The following PIGO variants were observed in gnomAD, a reference collection of about 807,000 sequenced individuals.
PIGO encodes phosphatidylinositol glycan anchor biosynthesis class O.
Under a neutral mutation model 86.9 loss-of-function variants are expected in PIGO, and 66 were observed. That is an observed-to-expected ratio of 0.76 (90% confidence interval 0.62 to 0.93). The LOEUF (loss-of-function observed/expected upper bound fraction) is 0.93. PIGO is among the 40% of genes least tolerant of loss of function. PIGO has a pLI of 0.00. For missense variants in PIGO, 1,202 were observed against 1,359.1 expected (o/e 0.88, Z 1.82); for synonymous variants, 570 against 556.4 (o/e 1.02, Z -0.34).
chr9:35,090,422 A>G, intron 8 of PIGO, 44 bp downstream of exon 8: 2 of 1,576,726 alleles, frequency 1.3e-6, no homozygotes, highest in South Asian at 1.1e-5. Context: ...TCTTTCCACA[A>G]AGCCAGAGTA....
Position 35,092,439 on chromosome 9 carries a change from A to G in PIGO, c.1448T>C (p.Leu483Pro), listed in dbSNP as rs1306481994. Residue 483 changes from leucine to proline, a missense_variant, in exon 7 of 11, where the codon CTC becomes CCC. Physicochemically the swap from Leu to Pro is moderately conservative, Grantham distance 98. Coordinates refer to ENST00000378617, the MANE Select transcript of PIGO (RefSeq NM_032634.4). Reference sequence around the variant, plus strand: ...CAGGCCCCAGGCCACAGGTGTCAGGAGTAGAGGGCAGAATGGAAAGCCTGG... The same window carrying G: ...CAGGCCCCAGGCCACAGGTGTCAGGGGTAGAGGGCAGAATGGAAAGCCTGG... ...ISPGFPFCPL[L>P]LTPVAWGLVG... 3.1e-6 allele frequency: 5 copies of G among 1,614,126 alleles called. No individual in the cohort carries two copies. The African/African-American group carries it at 6.7e-5, about 22-fold the overall frequency.
At position 35,092,663 on chromosome 9, in the gene PIGO, C is replaced by A; in HGVS notation, c.1224G>T (p.Gln408His). ...CCCCCTTGGGGCTCTGGAGAAGCCACTGGTAGTCAGCAGAGGCCTTGGAGA... is the reference window on the plus strand; with the variant it reads ...CCCCCTTGGGGCTCTGGAGAAGCCAATGGTAGTCAGCAGAGGCCTTGGAGA... ...NLFSKASADY[Q>H]WLLQSPKGAE... is the part of the protein sequence containing the mutation. The change falls in exon 7 of 11, where the codon CAG becomes CAT. Residue 408 changes from glutamine (Q) to histidine (H), a missense_variant. Physicochemically the swap from Gln to His is conservative, Grantham distance 24. Transcript: ENST00000378617. 1 of 1,614,232 alleles carries A rather than the reference C, an allele frequency of 6.2e-7. No individual in the cohort carries two copies. Among genetic ancestry groups the A allele is most frequent in the Non-Finnish European group, 8.5e-7 (1 of 1,180,052 alleles).
rs1317472404 is a variant in PIGO at position 35,092,050 on chromosome 9, G to T, written c.1837C>A (p.Pro613Thr). 6.2e-7 allele frequency: 1 copy of T among 1,614,226 alleles called. No individual in the cohort carries two copies. Among genetic ancestry groups the T allele is most frequent in the South Asian group, 1.1e-5 (1 of 91,090 alleles). ...GCATATGCACCATTGTGCCGTGGGGGGTTTGTTGTGGCTGAAGTGCCAAGG... is the reference window on the plus strand; with the variant it reads ...GCATATGCACCATTGTGCCGTGGGGTGTTTGTTGTGGCTGAAGTGCCAAGG... ...PRLGTSATTN[P>T]PRHNGAYALR... The change falls in exon 7 of 11, where the codon CCC becomes ACC. Residue 613 changes from proline (P) to threonine (T), a missense_variant. By Grantham distance (38) the Pro-to-Thr change is conservative (BLOSUM62 -1). Coordinates refer to ENST00000378617, the MANE Select transcript of PIGO (RefSeq NM_032634.4).
At chr9:35,089,778 T>C in intron 9 of PIGO, 1 of 1,389,016 alleles carries the variant, frequency 7.2e-7, no homozygotes, top group Non-Finnish European at 9.3e-7. Context: ...GGGAAGAAAA[T>C]CCTGGCTATC....
At chr9:35,089,511 G>T (rs1252189054) in intron 9 of PIGO, 61 bp from the exon 10 acceptor site, 1 of 1,610,048 alleles carries the variant, frequency 6.2e-7, no homozygotes, top group Non-Finnish European at 8.5e-7. Flanking sequence ...GGAGCAAAAG[G>T]AGAGTTTCTA....
rs774708745 is a variant in PIGO at position 35,091,559 on chromosome 9, G to C, written c.2328C>G (p.Thr776=). The stretch of plus-strand genomic sequence containing the variant: ...CTGAGAAGGGAGTGAGGACAGTCCT[G>C]GTCCTTGGAGCGCCTGCCCCAGCCT... ...LVKAGAGAPR[T]RTVLTPFSGP... The change falls in exon 7 of 11, where the codon ACC becomes ACG. Residue 776 remains threonine, a synonymous_variant. Transcript: ENST00000378617. 5 of 1,614,116 alleles carry C rather than the reference G, an allele frequency of 3.1e-6. No homozygotes were observed. The highest frequency in any genetic ancestry group is 1.7e-6 in the Non-Finnish European group (2 of 1,180,034).
rs1467571553 is a variant in PIGO, at chr9:35,093,932, T to G, written c.748A>C (p.Lys250Gln). 1 of 1,614,192 alleles carries G rather than the reference T, an allele frequency of 6.2e-7. No individual in the cohort carries two copies. The highest frequency in any genetic ancestry group is 2.2e-5 in the East Asian group (1 of 44,882). ...ACCTGGTCCATCTGGCTAAGTTTCT[T>G]GGCCATTTCAGGGTGGTGAGGGCCA... ...KHGPHHPEMA[K>Q]KLSQMDQVIQ... The change falls in exon 4 of 11, where the codon AAG becomes CAG. Residue 250 changes from lysine (K) to glutamine (Q), a missense_variant. Coordinates refer to ENST00000378617, the MANE Select transcript of PIGO (RefSeq NM_032634.4).
chr9:35,090,704 C>T (rs41302069), intron 7 of PIGO, 32 bp from the exon 8 acceptor site: 191 of 1,599,618 alleles, frequency 1.2e-4, no homozygotes, highest in Non-Finnish European at 1.6e-4. Context: ...GTTACAGTCA[C>T]TTCTTATTCC....
Position 35,093,283 on chromosome 9 carries a change from G to A in PIGO, c.940-74C>T, listed in dbSNP as rs577503507. The A allele has an allele frequency of 7.6e-6, 12 of 1,572,534 alleles. No individual in the cohort carries two copies. In the South Asian group the frequency reaches 1.1e-4, roughly 14 times the overall value. On this transcript the variant is annotated intron_variant, in intron 5 of 10. Coordinates refer to ENST00000378617, the MANE Select transcript of PIGO (RefSeq NM_032634.4). ...AATGTTTGGGATGGCAGACATAGGG[G>A]CCTAGGTAAGAAATGAGAGTGGAGG...
Position 35,091,878 on chromosome 9 carries a change from T to C in PIGO, c.2009A>G (p.Tyr670Cys), listed in dbSNP as rs1563996815. 1 of 1,614,168 alleles carries C rather than the reference T, an allele frequency of 6.2e-7. No individual in the cohort carries two copies. ...CACCAGCGCCGCCACACAAGCTCCA[T>C]ACCACAAATTCTTGGCTCGACCACC... ...MVGGRAKNLWYGACVAALVAL... is the reference protein window; with the variant it reads ...MVGGRAKNLWCGACVAALVAL... Residue 670 changes from tyrosine to cysteine, a missense_variant, in exon 7 of 11, where the codon TAT becomes TGT. Tyr to Cys is a radical substitution (Grantham distance 194). Coordinates refer to ENST00000378617, the MANE Select transcript of PIGO (RefSeq NM_032634.4).
chr9:35,089,565 G>A (rs933732982), intron 9 of PIGO, 115 bp from the exon 10 acceptor site: 12 of 1,534,334 alleles, frequency 7.8e-6, no homozygotes, highest in Non-Finnish European at 1.1e-5. Flanking sequence ...GTGCATGTCA[G>A]TGGAAAAAAT....
rs372754217 is a variant in PIGO, at chr9:35,094,225, A to G, written c.646T>C (p.Tyr216His). The change falls in exon 3 of 11, where the codon TAC (tyrosine) becomes CAC (histidine). Residue 216 changes from tyrosine to histidine, a missense_variant. Physicochemically the swap from Tyr to His is moderately conservative, Grantham distance 83. Coordinates refer to ENST00000378617, the MANE Select transcript of PIGO (RefSeq NM_032634.4). ...TVDNGILEHL[Y>H]PTMDSGEWDV... ...CTGGCCCCATGCTCACTGGTGGGGT[A>G]GAGGTGTTCCAGGATGCCATTGTCC... 7 of 1,597,792 alleles carry G rather than the reference A, an allele frequency of 4.4e-6. No individual in the cohort carries two copies. Among genetic ancestry groups the G allele is most frequent in the Non-Finnish European group, 6.0e-6 (7 of 1,175,768 alleles).
In PIGO at chr9:35,093,941, C is replaced by T. The variant is rs1266167213; in HGVS notation, c.739G>A (p.Glu247Lys). The T allele has an allele frequency of 6.2e-7, 1 of 1,614,100 alleles. No individual in the cohort carries two copies. Among genetic ancestry groups the T allele is most frequent in the African/African-American group, 1.3e-5 (1 of 74,932 alleles). Residue 247 changes from glutamate (E) to lysine (K), a missense_variant, in exon 4 of 11, where the codon GAA (glutamate) becomes AAA (lysine). Glu to Lys is a moderately conservative substitution (Grantham distance 56). Coordinates refer to ENST00000378617, the MANE Select transcript of PIGO (RefSeq NM_032634.4). ...ATCTGGCTAAGTTTCTTGGCCATTT[C>T]AGGGTGGTGAGGGCCATGCTTGTGG... ...CGHKHGPHHP[E>K]MAKKLSQMDQ... is the part of the protein sequence containing the mutation.
At chr9:35,095,597 T>C (rs1754772003) in intron 1 of PIGO, 31 bp from the exon 2 acceptor site, 2 of 1,496,236 alleles carry the variant, frequency 1.3e-6, no homozygotes, top group Non-Finnish European at 1.8e-6. Context: ...AATTCATTAC[T>C]GTGGGGCAAA....
rs1204201860 is a variant in PIGO, at chr9:35,092,527, C to A, written c.1360G>T (p.Gly454Cys). The A allele has an allele frequency of 5.0e-6, 8 of 1,614,068 alleles. No homozygotes were observed. The highest frequency in any genetic ancestry group is 5.9e-6 in the Non-Finnish European group (7 of 1,180,016). Residue 454 changes from glycine to cysteine, a missense_variant, in exon 7 of 11, where the codon GGT (glycine) becomes TGT (cysteine). Gly to Cys is a radical substitution (Grantham distance 159). Coordinates refer to ENST00000378617, the MANE Select transcript of PIGO (RefSeq NM_032634.4). ...CAGGAAGCAGCCAAGAGAGCAGTAC[C>A]CCCCGCCATGCGGACCAGAGAGAAA... The part of the protein sequence containing the change: ...ARFSLVRMAG[G>C]TALLAASCFI...
chr9:35,091,925 C>T lies in PIGO; in HGVS notation c.1962G>A (p.Leu654=). The change falls in exon 7 of 11, where the codon CTG becomes CTA. Residue 654 remains leucine (L), a synonymous_variant. Transcript: ENST00000378617. Reference sequence around the variant, plus strand: ...CACCCACCATGGATGCCAGAGGACTCAGCCAGGGAGAGGAGTGGCAAACAG... The same window carrying T: ...CACCCACCATGGATGCCAGAGGACTTAGCCAGGGAGAGGAGTGGCAAACAG... ...ETPVCHSSPW[L]SPLASMVGGR... 1.2e-6 allele frequency: 2 copies of T among 1,614,244 alleles called. No individual in the cohort carries two copies. The highest frequency in any genetic ancestry group is 2.2e-5 in the South Asian group (2 of 91,088).
In PIGO at chr9:35,093,129, G is replaced by A. The variant is rs777808521; in HGVS notation, c.1020C>T (p.Ile340=). Residue 340 remains isoleucine (I), a synonymous_variant, in exon 6 of 11, where the codon ATC becomes ATT. Transcript: ENST00000378617. ...LLGLPIPFGN[I]GEVMAELFSG... is the part of the protein sequence containing the mutation. ...AGAATAGCTCAGCCATCACTTCCCC[G>A]ATATTCCCAAATGGGATGGGCAGGC... 32 of 1,614,082 alleles carry A rather than the reference G, an allele frequency of 2.0e-5. No individual in the cohort carries two copies. In the East Asian group the frequency reaches 2.0e-4, roughly 10 times the overall value.
intron 8 of PIGO, 37 bp from the exon 9 acceptor site, chr9:35,090,317 C>G: frequency 6.3e-7 from 1 of 1,599,280 alleles, no homozygotes. Context: ...ATCAACAGGC[C>G]ACCCTGGCTG....
intron 9 of PIGO, chr9:35,089,654 C>G (rs1389822619): frequency 7.0e-7 from 1 of 1,436,370 alleles, no homozygotes; most frequent in Non-Finnish European, 9.1e-7. Context: ...TGACTTTGGG[C>G]AAGTCAGTAT....
Sources: gnomAD v4.1 joint callset for allele counts on GRCh38, gnomAD v4.1.1 for gene constraint, MANE v1.5 for transcripts, NCBI Gene and HGNC (gene_info 2026-07-23, HGNC 2026-07-21) for gene names.